STK33: variants seen among roughly 807,000 people sequenced by gnomAD.
STK33 encodes serine/threonine kinase 33.
STK33 carries 52 observed loss-of-function variants against 58.0 expected under a neutral mutation model. The ratio of observed to expected loss-of-function variants is 0.90; its 90% CI spans 0.72 to 1.13. STK33 has a LOEUF of 1.13. STK33 is among the 50% of genes most tolerant of loss of function. The pLI, the probability that STK33 is intolerant of heterozygous loss-of-function variation, is 0.00. For synonymous variants in STK33, 215 were observed against 200.1 expected (o/e 1.07, Z -0.63); for missense variants, 630 against 604.2 (o/e 1.04, Z -0.45).
chr11:8,350,414 G>T, the STK33 span, among the ~76,000 whole-genome samples: 1 of 152,206 alleles, frequency 6.6e-6, no homozygotes, highest in African/African-American at 2.4e-5. Context: ...CTAGGAACAG[G>T]CTGAGCTAAG....
chr11:8,571,259 T>A (rs1240366331), intron 1 of STK33, among the ~76,000 whole-genome samples: 1 of 152,142 alleles, frequency 6.6e-6, no homozygotes, highest in Non-Finnish European at 1.5e-5. Flanking sequence ...CAAAACTACC[T>A]AAGTTGGAAA....
chr11:8,336,878 C>A, the STK33 span, among the ~76,000 whole-genome samples: 1 of 152,238 alleles, frequency 6.6e-6, no homozygotes. Context: ...GCCTCTTGCC[C>A]ACACCTGGCC....
chr11:8,433,634 A>C (rs1033288315), intron 14 of STK33, among the ~76,000 whole-genome samples: 2 of 152,292 alleles, frequency 1.3e-5, no homozygotes, highest in South Asian at 4.1e-4. Flanking sequence ...TCCCAGAAAT[A>C]AATCTATTTC....
At chr11:8,388,886 C>A (rs1042509144), downstream of STK33, among the ~76,000 whole-genome samples, 3 of 152,346 alleles carry the variant, frequency 2.0e-5, no homozygotes, top group African/African-American at 7.2e-5. Context: ...TCCCCACCAG[C>A]CCCTCCCCAA....
At chr11:8,514,562 TG>T (rs1401742805) in intron 1 of STK33, among the ~76,000 whole-genome samples, 1 of 152,198 alleles carries the variant, frequency 6.6e-6, no homozygotes, top group African/African-American at 2.4e-5. Flanking sequence ...CCACCAAGGT[TG>T]AGTACCTCAG....
chr11:8,531,873 G>C (rs1954584282), intron 1 of STK33, among the ~76,000 whole-genome samples: 1 of 152,166 alleles, frequency 6.6e-6, no homozygotes, highest in Admixed American at 6.5e-5. Context: ...ATGAAGCCTA[G>C]AGGAAATAAT....
intron 1 of STK33, among the ~76,000 whole-genome samples, chr11:8,516,669 C>T (rs1206874013): frequency 6.6e-6 from 1 of 152,264 alleles, no homozygotes; most frequent in East Asian, 1.9e-4. Flanking sequence ...TAGCAAATGG[C>T]ATACCAGGAG....
chr11:8,529,187 TA>T (rs770784627), intron 1 of STK33, among the ~76,000 whole-genome samples: 18 of 152,182 alleles, frequency 1.2e-4, no homozygotes, highest in Non-Finnish European at 1.0e-4. Flanking sequence ...TATTCATCAA[TA>T]ATATTTACAG....
intron 1 of STK33, among the ~76,000 whole-genome samples, chr11:8,515,640 C>T (rs1297817889): frequency 6.6e-6 from 1 of 152,158 alleles, no homozygotes; most frequent in Admixed American, 6.5e-5. Flanking sequence ...AAACCATGAC[C>T]AAGTAAGACT....
At chr11:8,441,865 G>C (rs564620646) in intron 11 of STK33, among the ~76,000 whole-genome samples, 2 of 152,236 alleles carry the variant, frequency 1.3e-5, no homozygotes, top group Admixed American at 6.5e-5. Context: ...AATTCTGTGA[G>C]ATAGATACGT....
At chr11:8,336,269 C>T in the STK33 span, among the ~76,000 whole-genome samples, 11 of 152,370 alleles carry the variant, frequency 7.2e-5, no homozygotes, top group East Asian at 1.9e-4. Context: ...GCACCTGTTC[C>T]GTGCCAGGCA....
At chr11:8,344,287 CA>C in the STK33 span, among the ~76,000 whole-genome samples, 1 of 151,918 alleles carries the variant, frequency 6.6e-6, no homozygotes, top group East Asian at 1.9e-4. Context: ...GAGGCTGAGC[CA>C]GGAGGATCAC....
chr11:8,397,695 A>C (rs1273046292), intron 15 of STK33, among the ~76,000 whole-genome samples: 1 of 152,230 alleles, frequency 6.6e-6, no homozygotes, highest in Non-Finnish European at 1.5e-5. Context: ...CCCATGGCAA[A>C]GAAGTTAAAA....
chr11:8,516,140 C>A (rs1429488329), intron 1 of STK33, among the ~76,000 whole-genome samples: 2 of 152,208 alleles, frequency 1.3e-5, no homozygotes, highest in African/African-American at 2.4e-5. Flanking sequence ...AAGCATCACA[C>A]TTCCTGATTT....
At chr11:8,424,776 A>C (rs540882044) in intron 14 of STK33, among the ~76,000 whole-genome samples, 1 of 138,968 alleles carries the variant, frequency 7.2e-6, no homozygotes, top group Admixed American at 7.0e-5. Context: ...TTTTGGCTGC[A>C]TAAATGTCTT....
intron 1 of STK33, among the ~76,000 whole-genome samples, chr11:8,500,820 G>T (rs1446361333): frequency 2.0e-5 from 3 of 152,116 alleles, no homozygotes; most frequent in Non-Finnish European, 4.4e-5. Flanking sequence ...TGTGGTACTG[G>T]CCTACAACAG....
the STK33 span, among the ~76,000 whole-genome samples, chr11:8,377,403 A>T: frequency 2.6e-5 from 4 of 152,272 alleles, no homozygotes; most frequent in African/African-American, 9.6e-5. Context: ...CAGAAAAAGT[A>T]TTCAACAAAA....
At chr11:8,439,426 T>C (rs1288176654) in intron 12 of STK33, among the ~76,000 whole-genome samples, 1 of 152,210 alleles carries the variant, frequency 6.6e-6, no homozygotes, top group Non-Finnish European at 1.5e-5. Flanking sequence ...TCCTATTTTA[T>C]TATTTTTTCT....
chr11:8,415,121 A>C (rs1339039486), intron 14 of STK33, among the ~76,000 whole-genome samples: 1 of 151,954 alleles, frequency 6.6e-6, no homozygotes, highest in Non-Finnish European at 1.5e-5. Flanking sequence ...CCTCTAACTT[A>C]ATTTTCATAA....
Sources: gnomAD v4.1 joint callset for allele counts (sites outside exome capture counted in the v4.1 genomes callset) on GRCh38, gnomAD v4.1.1 for gene constraint, MANE v1.5 for transcripts, NCBI Gene and HGNC (gene_info 2026-07-23, HGNC 2026-07-21) for gene names.